Variants in DCDC2C observed in about 807,000 individuals in gnomAD.
DCDC2C encodes the protein doublecortin domain containing 2C, also known as doublecortin domain-containing protein 2C.
Under a neutral mutation model 45.0 loss-of-function variants are expected in DCDC2C, and 44 were observed. The ratio of observed to expected loss-of-function variants is 0.98; its 90% CI spans 0.77 to 1.26. The LOEUF is 1.26. Ranked by LOEUF, DCDC2C falls within the 50% of genes most tolerant of loss-of-function variation. The pLI, the probability that DCDC2C is intolerant of heterozygous loss-of-function variation, is 0.00. For missense variants in DCDC2C, 447 were observed against 468.9 expected, an observed-to-expected ratio of 0.95 and a Z score of 0.43; for synonymous variants, 187 against 178.8, an observed-to-expected ratio of 1.05 and a Z score of -0.37.
At chr2:3,719,257 T>A (rs1245539371) in intron 2 of DCDC2C, among the ~76,000 whole-genome samples, 1 of 152,132 alleles carries the variant, frequency 6.6e-6, no homozygotes, top group Non-Finnish European at 1.5e-5. Context: ...GCTAATTTTT[T>A]TGTATTTTTA....
Position 3,769,539 on chromosome 2 carries a change from CTAGT to C in DCDC2C, c.954+132_954+135del. 3 of 818,088 alleles carry C rather than the reference CTAGT, an allele frequency of 3.7e-6. No individual in the cohort carries two copies. The Admixed American group carries it at 7.0e-5, about 19-fold the overall frequency. The allele number at this position is 818,088 out of a possible 1,614,324, so 50.7% of individuals were successfully genotyped here. A position where few individuals can be genotyped will look rare whatever the true frequency, so the allele number is the denominator to read the frequency against. On this transcript the variant is annotated intron_variant, in intron 8 of 10. Coordinates refer to ENST00000399143, the MANE Select transcript of DCDC2C (RefSeq NM_001287444.2). Reference sequence around the variant, plus strand: ...GACTCTAGAATGTTCTGTGTTCCTCCTAGTTAGAGACTGCTCATCTCAGATCCTG... The same window carrying C: ...GACTCTAGAATGTTCTGTGTTCCTCCTAGAGACTGCTCATCTCAGATCCTG...
chr2:3,826,820 C>T (rs1202916299), intron 10 of DCDC2C, among the ~76,000 whole-genome samples: 3 of 152,154 alleles, frequency 2.0e-5, no homozygotes, highest in Non-Finnish European at 4.4e-5. Context: ...ATAATATGTC[C>T]TATGAGATTA....
chr2:3,732,170 T>C (rs920800861), intron 3 of DCDC2C, among the ~76,000 whole-genome samples: 1 of 151,922 alleles, frequency 6.6e-6, no homozygotes, highest in African/African-American at 2.4e-5. Context: ...GTTGATGCAA[T>C]TGGGAGGAAG....
chr2:3,766,770 A>G (rs1318194151), intron 6 of DCDC2C, among the ~76,000 whole-genome samples: 3 of 152,220 alleles, frequency 2.0e-5, no homozygotes, highest in Non-Finnish European at 2.9e-5. Flanking sequence ...ATACTTGAGA[A>G]AAGATCAAAA....
intron 10 of DCDC2C, among the ~76,000 whole-genome samples, chr2:3,817,078 T>G (rs1671575359): frequency 6.6e-6 from 1 of 152,146 alleles, no homozygotes; most frequent in African/African-American, 2.4e-5. Flanking sequence ...GGTGGAAGTT[T>G]CAGTGGGGAA....
Position 3,745,135 on chromosome 2 carries a change from G to A in DCDC2C, c.545+3087G>A, listed in dbSNP as rs6760196. 1.0e-3 allele frequency among the ~76,000 whole-genome samples: 156 copies of A among 152,186 alleles called. 2 individuals carry two copies. Among genetic ancestry groups the A allele is most frequent in the African/African-American group, 3.3e-3 (135 of 41,516 alleles). Reference sequence around the variant, plus strand: ...GGAGTACCTAGGATTACAGACGCCCGCCACCATGCCTGGCTAATTTTTGTG... The same window carrying A: ...GGAGTACCTAGGATTACAGACGCCCACCACCATGCCTGGCTAATTTTTGTG... On this transcript the variant is annotated intron_variant, in intron 4 of 10. Coordinates refer to ENST00000399143, the MANE Select transcript of DCDC2C (RefSeq NM_001287444.2).
chr2:3,810,283 A>G (rs1037713449), intron 10 of DCDC2C, among the ~76,000 whole-genome samples: 2 of 152,188 alleles, frequency 1.3e-5, no homozygotes, highest in African/African-American at 4.8e-5. Flanking sequence ...AATAATTGCC[A>G]TTTGGACTGG....
chr2:3,771,462 A>G (rs1217332019), intron 8 of DCDC2C, among the ~76,000 whole-genome samples: 2 of 152,202 alleles, frequency 1.3e-5, no homozygotes, highest in Admixed American at 6.5e-5. Context: ...CGCCACTCTC[A>G]TATCTCTCCT....
chr2:3,765,658 T>A (rs1204878167), intron 6 of DCDC2C, among the ~76,000 whole-genome samples: 1 of 152,232 alleles, frequency 6.6e-6, no homozygotes, highest in East Asian at 1.9e-4. Context: ...TTACTGAGCA[T>A]CTGCTATGTG....
At chr2:3,840,834 A>C (rs1329275513) in intron 10 of DCDC2C, among the ~76,000 whole-genome samples, 1 of 152,208 alleles carries the variant, frequency 6.6e-6, no homozygotes, top group African/African-American at 2.4e-5. Context: ...TTTCGCAGTG[A>C]AAGTGTCCGC....
chr2:3,752,887 A>T lies in DCDC2C; in HGVS notation c.670A>T (p.Ser224Cys). The change falls in exon 5 of 11, where the codon AGT (serine) becomes TGT (cysteine). Residue 224 changes from serine to cysteine, a missense_variant. Physicochemically the swap from Ser to Cys is moderately radical, Grantham distance 112. Coordinates refer to ENST00000399143, the MANE Select transcript of DCDC2C (RefSeq NM_001287444.2). ...TTACTGGAAGTCTCCAAGGGTGCCC[A>T]GTGAGGTCCAACAGTGAGCATGCTT... is the stretch of plus-strand genomic sequence containing the variant. ...FPYWKSPRVP[S>C]EVQQRYANVE... 2 of 1,550,554 alleles carry T rather than the reference A, an allele frequency of 1.3e-6. No homozygotes were observed. The highest frequency in any genetic ancestry group is 1.7e-6 in the Non-Finnish European group (2 of 1,146,966).
intron 3 of DCDC2C, 81 bp downstream of exon 3, chr2:3,727,160 C>T (rs572268863): frequency 5.1e-6 from 6 of 1,172,400 alleles, no homozygotes; most frequent in Admixed American, 4.1e-5. Context: ...GACAAATGCC[C>T]CTCAGCCCCC....
chr2:3,750,504 T>C (rs1247363137), intron 4 of DCDC2C, among the ~76,000 whole-genome samples: 1 of 152,132 alleles, frequency 6.6e-6, no homozygotes, highest in East Asian at 1.9e-4. Flanking sequence ...TCCTTTCTGT[T>C]TACGTGAGGG....
At chr2:3,718,791 C>T (rs990668710) in intron 2 of DCDC2C, among the ~76,000 whole-genome samples, 4 of 152,150 alleles carry the variant, frequency 2.6e-5, no homozygotes, top group Non-Finnish European at 5.9e-5. Flanking sequence ...AATGAAGCCA[C>T]GGACCTTTGC....
At chr2:3,829,996 C>T (rs905473764) in intron 10 of DCDC2C, among the ~76,000 whole-genome samples, 14 of 152,188 alleles carry the variant, frequency 9.2e-5, no homozygotes, top group African/African-American at 2.9e-4. Flanking sequence ...GTGAAGAAGC[C>T]GTCAGGGCAT....
intron 10 of DCDC2C, among the ~76,000 whole-genome samples, chr2:3,812,203 G>A (rs1009991216): frequency 2.0e-5 from 3 of 148,136 alleles, no homozygotes; most frequent in African/African-American, 7.4e-5. Flanking sequence ...AATCCATATG[G>A]TCCTGGGCTT....
chr2:3,717,946 T>A (rs910189680), intron 2 of DCDC2C, among the ~76,000 whole-genome samples: 10 of 152,246 alleles, frequency 6.6e-5, no homozygotes, highest in African/African-American at 2.4e-4. Context: ...GGAGGCCTCC[T>A]TTCTCCCTAG....
intron 10 of DCDC2C, among the ~76,000 whole-genome samples, chr2:3,799,880 C>T (rs1432790396): frequency 2.0e-5 from 3 of 152,264 alleles, no homozygotes. Context: ...CCTCCTTGAG[C>T]TGTGATGGGC....
chr2:3,821,041 CAA>C (rs969775051), intron 10 of DCDC2C, among the ~76,000 whole-genome samples: 2 of 151,776 alleles, frequency 1.3e-5, no homozygotes, highest in African/African-American at 2.4e-5. Flanking sequence ...GGGCTGAGTC[CAA>C]AAAGAGAGTC....
Sources: gnomAD v4.1 joint callset for allele counts (sites outside exome capture counted in the v4.1 genomes callset) on GRCh38, gnomAD v4.1.1 for gene constraint, MANE v1.5 for transcripts, NCBI Gene and HGNC (gene_info 2026-07-23, HGNC 2026-07-21) for gene names.